CACNA2D3: variants seen among roughly 807,000 people sequenced by gnomAD.
CACNA2D3 encodes voltage-dependent calcium channel subunit alpha-2/delta-3.
A neutral mutation model predicts 160.6 loss-of-function variants in CACNA2D3; 60 were observed. That is an observed-to-expected ratio of 0.37 (90% CI 0.30 to 0.46). The LOEUF is 0.46. CACNA2D3 is among the 20% of genes least tolerant of loss of function. The probability of loss-of-function intolerance (pLI) is 1.00; values close to 1 mark genes in which losing one functional copy is unlikely to be tolerated. For synonymous variants in CACNA2D3, 558 were observed against 492.9 expected (o/e 1.13, Z -1.75); for missense variants, 1,205 against 1,365.0 (o/e 0.88, Z 1.85).
chr3:55,061,659 A>C (rs1349920162), intron 35 of CACNA2D3, among the ~76,000 whole-genome samples: 2 of 152,208 alleles, frequency 1.3e-5, no homozygotes, highest in Non-Finnish European at 2.9e-5. Context: ...GAGCACAGGA[A>C]AGCTGCCAGT....
chr3:54,162,160 G>C (rs1445287163), intron 2 of CACNA2D3, among the ~76,000 whole-genome samples: 2 of 152,242 alleles, frequency 1.3e-5, no homozygotes, highest in Admixed American at 1.3e-4. Context: ...TTTGGGTTGT[G>C]TGCTGGGGAT....
chr3:54,580,637 C>A (rs1412258314), intron 8 of CACNA2D3, among the ~76,000 whole-genome samples: 7 of 152,190 alleles, frequency 4.6e-5, no homozygotes, highest in Non-Finnish European at 1.0e-4. Flanking sequence ...TACTGTGGGT[C>A]CAGCCCTGTG....
At chr3:54,129,683 A>T (rs1183818955) in intron 2 of CACNA2D3, among the ~76,000 whole-genome samples, 1 of 152,210 alleles carries the variant, frequency 6.6e-6, no homozygotes, top group African/African-American at 2.4e-5. Flanking sequence ...TATGCATGTA[A>T]ATGATCTGGA....
intron 23 of CACNA2D3, among the ~76,000 whole-genome samples, chr3:54,887,259 C>G (rs1323569341): frequency 6.6e-6 from 1 of 152,008 alleles, no homozygotes; most frequent in Non-Finnish European, 1.5e-5. Flanking sequence ...AACCCCATCT[C>G]TACTAAAAAT....
chr3:54,466,120 G>A (rs907454175), intron 4 of CACNA2D3, among the ~76,000 whole-genome samples: 6 of 152,088 alleles, frequency 3.9e-5, no homozygotes, highest in East Asian at 1.9e-4. Flanking sequence ...TTTGAATCGG[G>A]TTCACATCTC....
At chr3:54,262,611 A>AG (rs909434673) in intron 2 of CACNA2D3, among the ~76,000 whole-genome samples, 27 of 151,950 alleles carry the variant, frequency 1.8e-4, no homozygotes, top group African/African-American at 6.3e-4. Context: ...TGAATTAAAA[A>AG]AAAAATCCAT....
intron 4 of CACNA2D3, among the ~76,000 whole-genome samples, chr3:54,443,842 A>G (rs954262854): frequency 6.6e-6 from 1 of 152,210 alleles, no homozygotes; most frequent in African/African-American, 2.4e-5. Context: ...AAGTGACCGC[A>G]AAGTCATCTT....
At chr3:54,361,184 C>T (rs1353110399) in intron 3 of CACNA2D3, among the ~76,000 whole-genome samples, 1 of 151,170 alleles carries the variant, frequency 6.6e-6, no homozygotes, top group Non-Finnish European at 1.5e-5. Flanking sequence ...AGGTTAAGTA[C>T]CAAGCAAAGA....
At chr3:54,894,093 A>T (rs370948364) in intron 25 of CACNA2D3, among the ~76,000 whole-genome samples, 36 of 152,130 alleles carry the variant, frequency 2.4e-4, no homozygotes, top group African/African-American at 8.2e-4. Context: ...TCAATTACTC[A>T]CTCAGAGTCA....
At chr3:54,843,586 G>A (rs1698867960) in intron 16 of CACNA2D3, among the ~76,000 whole-genome samples, 1 of 152,222 alleles carries the variant, frequency 6.6e-6, no homozygotes, top group African/African-American at 2.4e-5. Context: ...CTATGGCTCT[G>A]TCTTACATAT....
At position 54,896,741 on chromosome 3, in the gene CACNA2D3, A is replaced by G. The variant is rs752123524; in HGVS notation, c.2247-8A>G. Reference sequence around the variant, plus strand: ...ATGCATGTTCTTCTGATTCTTTTCCACTTCAAGGGACTTCCTGAAAGCTGG... The same window carrying G: ...ATGCATGTTCTTCTGATTCTTTTCCGCTTCAAGGGACTTCCTGAAAGCTGG... On this transcript the variant is annotated splice_region_variant and splice_polypyrimidine_tract_variant and intron_variant, in intron 25 of 37. Coordinates refer to ENST00000474759, the MANE Select transcript of CACNA2D3 (RefSeq NM_018398.3). 1 of 1,613,790 alleles carries G rather than the reference A, an allele frequency of 6.2e-7. No individual in the cohort carries two copies. The highest frequency in any genetic ancestry group is 8.5e-7 in the Non-Finnish European group (1 of 1,179,830).
intron 11 of CACNA2D3, among the ~76,000 whole-genome samples, chr3:54,687,135 G>GTTTTTTTTTTTTTTTTTTT (rs1290353261): frequency 2.2e-5 from 2 of 88,890 alleles, no homozygotes; most frequent in Non-Finnish European, 2.2e-5. Flanking sequence ...TTTTTTTTTT[G>GTTTTTTTTTTTTTTTTTTT]TTTTTTTTTT....
intron 25 of CACNA2D3, among the ~76,000 whole-genome samples, chr3:54,893,603 A>G (rs184836129): frequency 3.3e-5 from 5 of 152,254 alleles, no homozygotes; most frequent in Admixed American, 3.3e-4. Context: ...GCTTTTGACT[A>G]GGGCATGAAA....
chr3:54,262,682 T>C (rs1208676090), intron 2 of CACNA2D3, among the ~76,000 whole-genome samples: 1 of 152,126 alleles, frequency 6.6e-6, no homozygotes, highest in African/African-American at 2.4e-5. Context: ...TGATTGGAGC[T>C]GGGGGACACA....
intron 14 of CACNA2D3, among the ~76,000 whole-genome samples, chr3:54,824,251 C>G (rs1703701632): frequency 6.6e-6 from 1 of 152,178 alleles, no homozygotes. Flanking sequence ...CAGTCCATGT[C>G]AGATGCTTAG....
At chr3:54,338,966 T>C (rs1704456465) in intron 3 of CACNA2D3, among the ~76,000 whole-genome samples, 2 of 152,204 alleles carry the variant, frequency 1.3e-5, no homozygotes, top group Admixed American at 1.3e-4. Flanking sequence ...CAGGTTATTT[T>C]CTCTAACCCT....
chr3:54,480,267 T>C (rs1229592452), intron 4 of CACNA2D3, among the ~76,000 whole-genome samples: 1 of 152,208 alleles, frequency 6.6e-6, no homozygotes, highest in Non-Finnish European at 1.5e-5. Context: ...CTGAAATCAC[T>C]GACCCTCAGG....
At chr3:55,048,098 C>G (rs1704102538) in intron 35 of CACNA2D3, among the ~76,000 whole-genome samples, 2 of 114,398 alleles carry the variant, frequency 1.7e-5, no homozygotes, top group South Asian at 3.3e-4. Flanking sequence ...TTATTTCCTT[C>G]TCCTGCCTAA....
Position 54,642,176 on chromosome 3 carries a change from ATAACTG to A in CACNA2D3, c.1103_1108del (p.Ile368_Asp370delinsAsn). 1 of 1,613,392 alleles carries A rather than the reference ATAACTG, an allele frequency of 6.2e-7. No homozygotes were observed. The highest frequency in any genetic ancestry group is 8.5e-7 in the Non-Finnish European group (1 of 1,179,610). ...TATCTGCAGTCAGGCCATCATGCTC[ATAACTG>A]ATGGGGCGGTGGACACCTATGATAC... On this transcript the variant is annotated inframe_deletion, in exon 11 of 38. Transcript: ENST00000474759.
Sources: gnomAD v4.1 joint callset for allele counts (sites outside exome capture counted in the v4.1 genomes callset) on GRCh38, gnomAD v4.1.1 for gene constraint, MANE v1.5 for transcripts, NCBI Gene and HGNC (gene_info 2026-07-23, HGNC 2026-07-21) for gene names.